Variants in SYNRG observed in about 807,000 individuals in gnomAD.
SYNRG encodes AP1 gamma subunit binding protein 1.
In SYNRG, 37 loss-of-function variants were observed where a neutral mutation model predicts 130.9. The observed-to-expected ratio is 0.28, with a 90% CI of 0.22 to 0.37. The LOEUF (loss-of-function observed/expected upper bound fraction) is 0.37. Ranked by LOEUF, SYNRG falls within the 10% of genes least tolerant of loss-of-function variation. The pLI is 1.00. For missense variants in SYNRG, 1,338 were observed against 1,588.9 expected (o/e 0.84, Z 2.68); for synonymous variants, 539 against 568.1 (o/e 0.95, Z 0.73).
At position 37,607,779 on chromosome 17, in the gene SYNRG, A is replaced by C. The variant is rs1219789759; in HGVS notation, c.77+1500T>G. 2.0e-5 allele frequency among the ~76,000 whole-genome samples: 3 copies of C among 151,758 alleles called. No homozygotes were observed. The East Asian group carries it at 5.8e-4, about 29-fold the overall frequency. ...ACTCTAGCCTGGGTGACAGAACGAG[A>C]CTCTGTCTCAATCGATCAATCAACA... On this transcript the variant is annotated intron_variant, in intron 1 of 21. Transcript: ENST00000612223.
rs2058871057 is a variant in SYNRG, at chr17:37,553,568, CTTCCTCT to C, written c.2148_2154del (p.Glu717ProfsTer6). 6.2e-7 allele frequency: 1 copy of C among 1,614,078 alleles called. No homozygotes were observed. Among genetic ancestry groups the C allele is most frequent in the Non-Finnish European group, 8.5e-7 (1 of 1,180,050 alleles). ...TTGCTGGTTAGAGGAACAGGACTGG[CTTCCTCT>C]TTAAGGGCATCATATTTGTCATCCG... On this transcript the variant is annotated frameshift_variant, in exon 14 of 22. Coordinates refer to ENST00000612223, the MANE Select transcript of SYNRG (RefSeq NM_007247.6). LOFTEE classifies it high-confidence loss of function.
intron 11 of SYNRG, among the ~76,000 whole-genome samples, chr17:37,565,003 C>A (rs1021429066): frequency 1.3e-5 from 2 of 152,184 alleles, no homozygotes; most frequent in Non-Finnish European, 2.9e-5. Context: ...GTGGCTCACG[C>A]CTGTAATTCT....
intron 6 of SYNRG, among the ~76,000 whole-genome samples, chr17:37,580,478 C>CGTGTGTGTGTGT (rs1341679385): frequency 0.041 from 4,926 of 121,308 alleles, 88 homozygotes; most frequent in East Asian, 0.052. Context: ...CTTTGTATTT[C>CGTGTGTGTGTGT]GTGTGTGTGT....
chr17:37,593,513 T>C (rs930398608), intron 3 of SYNRG, among the ~76,000 whole-genome samples: 6 of 152,174 alleles, frequency 3.9e-5, no homozygotes, highest in African/African-American at 1.4e-4. Context: ...GTTTGCTTCA[T>C]GTATGTCCCT....
chr17:37,599,108 C>A (rs1375709067), intron 2 of SYNRG, among the ~76,000 whole-genome samples: 2 of 152,208 alleles, frequency 1.3e-5, no homozygotes, highest in African/African-American at 4.8e-5. Flanking sequence ...ATCTCTACTG[C>A]TGACCTAGGA....
Position 37,585,344 on chromosome 17 carries a change from A to C in SYNRG, c.458T>G (p.Leu153Trp). 4.3e-6 allele frequency: 7 copies of C among 1,613,978 alleles called. No individual in the cohort carries two copies. The highest frequency in any genetic ancestry group is 5.1e-6 in the Non-Finnish European group (6 of 1,179,966). ...FEEQKQKLRL[L>W]SSVKPKTGEK... is the part of the protein sequence containing the mutation. ...TACTACCTTGGGTTTCACACTGCTC[A>C]AAAGTCTGAGCTTTTGCTTCTGCTC... Residue 153 changes from leucine (L) to tryptophan (W), a missense_variant, in exon 5 of 22, where the codon TTG becomes TGG. This residue lies in a region of SYNRG where 184 missense variants were observed against 217.2 expected (regional missense o/e 0.85). Transcript: ENST00000612223.
In SYNRG at chr17:37,522,453, C is replaced by T. The variant is rs115136600; in HGVS notation, c.3667-1805G>A. Reference sequence around the variant, plus strand: ...AGGCATGAGCCACTGTGCCCGGCCCCGCAGCACACTTTTATTTTTATTTAT... The same window carrying T: ...AGGCATGAGCCACTGTGCCCGGCCCTGCAGCACACTTTTATTTTTATTTAT... On this transcript the variant is annotated intron_variant, in intron 19 of 21. Coordinates refer to ENST00000612223, the MANE Select transcript of SYNRG (RefSeq NM_007247.6). Among the ~76,000 whole-genome samples, 296 of 151,992 alleles carry T rather than the reference C, an allele frequency of 1.9e-3. 3 individuals carry two copies. Among genetic ancestry groups the T allele is most frequent in the African/African-American group, 6.9e-3 (287 of 41,430 alleles).
At chr17:37,550,686 A>G (rs2058644084) in intron 14 of SYNRG, among the ~76,000 whole-genome samples, 1 of 136,214 alleles carries the variant, frequency 7.3e-6, no homozygotes, top group Admixed American at 7.3e-5. Flanking sequence ...AAAAGACATC[A>G]GAAAAGCAGC....
chr17:37,600,179 A>G (rs2063144568), intron 2 of SYNRG, among the ~76,000 whole-genome samples, 184 bp downstream of exon 2: 1 of 152,264 alleles, frequency 6.6e-6, no homozygotes, highest in Admixed American at 6.5e-5. Flanking sequence ...TATTACTCCC[A>G]AAATTATATA....
At chr17:37,554,093 T>A (rs1195998745) in intron 13 of SYNRG, 34 bp from the exon 14 acceptor site, 1 of 1,571,294 alleles carries the variant, frequency 6.4e-7, no homozygotes. Flanking sequence ...CAAATGGGAA[T>A]GCTGAACTGA....
At chr17:37,566,359 A>T (rs575984765) in intron 11 of SYNRG, among the ~76,000 whole-genome samples, 2 of 147,028 alleles carry the variant, frequency 1.4e-5, no homozygotes, top group East Asian at 3.9e-4. Flanking sequence ...TCTCTGAAAC[A>T]TGTGCTGTGT....
At chr17:37,521,236 G>T (rs2055008327) in intron 19 of SYNRG, among the ~76,000 whole-genome samples, 1 of 151,906 alleles carries the variant, frequency 6.6e-6, no homozygotes. Flanking sequence ...CACCATGTTG[G>T]TCAGGCTGGT....
At chr17:37,536,233 A>C in intron 18 of SYNRG, 106 bp from the exon 19 acceptor site, 4 of 1,310,114 alleles carry the variant, frequency 3.1e-6, no homozygotes, top group Non-Finnish European at 3.1e-6. Context: ...CAATGGGTGT[A>C]TCTGGACAGA....
chr17:37,548,264 G>A (rs1240654637), intron 14 of SYNRG, among the ~76,000 whole-genome samples: 2 of 152,182 alleles, frequency 1.3e-5, no homozygotes, highest in Non-Finnish European at 1.5e-5. Context: ...TCACTAGATG[G>A]AAGCTACACT....
chr17:37,529,833 T>C (rs1367163741), intron 19 of SYNRG: 1 of 1,551,536 alleles, frequency 6.4e-7, no homozygotes, highest in Non-Finnish European at 8.7e-7. Context: ...GTAATCACAG[T>C]CATCTTTTCC....
rs1299181623 is a variant in SYNRG, at chr17:37,609,263, G to A, written c.77+16C>T. The A allele has an allele frequency of 5.6e-6, 8 of 1,428,906 alleles. No individual in the cohort carries two copies. The highest frequency in any genetic ancestry group is 4.5e-5 in the African/African-American group (3 of 66,830). 88.5% of individuals were successfully genotyped at this position (1,428,906 alleles called of 1,614,324 possible). A position where few individuals can be genotyped will look rare whatever the true frequency, so the allele number is the denominator to read the frequency against. On this transcript the variant is annotated intron_variant, in intron 1 of 21. Coordinates refer to ENST00000612223, the MANE Select transcript of SYNRG (RefSeq NM_007247.6). ...CGCGGAGGCCAGCGGGCTCCCGCCC[G>A]GCTCTTCACACCTACCCGCCTCCCC...
intron 3 of SYNRG, among the ~76,000 whole-genome samples, chr17:37,592,839 T>A (rs566805208): frequency 9.8e-5 from 15 of 152,292 alleles, no homozygotes; most frequent in East Asian, 9.6e-4. Context: ...GTTCTGTATC[T>A]CAGCTGTGCC....
intron 19 of SYNRG, among the ~76,000 whole-genome samples, chr17:37,521,694 G>A (rs2055083022): frequency 6.6e-6 from 1 of 152,214 alleles, no homozygotes; most frequent in South Asian, 2.1e-4. Context: ...GCCTCAGCCA[G>A]AAGTCTGCTG....
chr17:37,539,375 T>C (rs1186814941), intron 16 of SYNRG, 130 bp from the exon 17 acceptor site: 2 of 974,702 alleles, frequency 2.1e-6, no homozygotes, highest in Non-Finnish European at 3.0e-6. Flanking sequence ...GCAGTTTATG[T>C]TTTTTTTGTT....
Sources: allele counts gnomAD v4.1 joint callset (sites outside exome capture counted in the v4.1 genomes callset), GRCh38; gene constraint gnomAD v4.1.1; regional missense constraint gnomAD v4.1.1; transcripts MANE v1.5; gene names NCBI Gene and HGNC (gene_info 2026-07-23, HGNC 2026-07-21).